PDZRN3: variants seen among roughly 807,000 people sequenced by gnomAD.
PDZRN3 encodes the protein E3 ubiquitin-protein ligase PDZRN3.
Under a neutral mutation model 85.7 loss-of-function variants are expected in PDZRN3, and 38 were observed. The ratio of observed to expected loss-of-function variants is 0.44; its 90% CI spans 0.34 to 0.58. The LOEUF is 0.58. Among genes scored for constraint, PDZRN3 ranks in the 20% least tolerant of loss-of-function variants. The pLI is 0.01. For synonymous variants in PDZRN3, 759 were observed against 638.0 expected, an observed-to-expected ratio of 1.19 and a Z score of -2.86; for missense variants, 1,629 against 1,506.4, an observed-to-expected ratio of 1.08 and a Z score of -1.35.
At chr3:73,561,236 T>C (rs1701808360) in intron 3 of PDZRN3, among the ~76,000 whole-genome samples, 1 of 152,252 alleles carries the variant, frequency 6.6e-6, no homozygotes, top group South Asian at 2.1e-4. Flanking sequence ...CAAACTGCCC[T>C]GGTGGAGCTG....
intron 1 of PDZRN3, 103 bp from the exon 2 acceptor site, chr3:73,608,787 T>C: frequency 1.4e-6 from 1 of 696,472 alleles, no homozygotes; most frequent in Non-Finnish European, 2.5e-6. Context: ...CAGCTAATCA[T>C]TACAAATCCT....
At chr3:73,435,996 C>A (rs1023666933) in intron 3 of PDZRN3, among the ~76,000 whole-genome samples, 3 of 152,194 alleles carry the variant, frequency 2.0e-5, no homozygotes, top group African/African-American at 4.8e-5. Context: ...AAGCCATGCC[C>A]TTCTGCAGGG....
At chr3:73,420,294 T>C (rs560684343) in intron 3 of PDZRN3, among the ~76,000 whole-genome samples, 1 of 152,218 alleles carries the variant, frequency 6.6e-6, no homozygotes, top group East Asian at 1.9e-4. Context: ...CCACCCCAAG[T>C]GCTGGCTGCG....
chr3:73,428,464 AGT>A (rs1702363177), intron 3 of PDZRN3, among the ~76,000 whole-genome samples: 1 of 152,216 alleles, frequency 6.6e-6, no homozygotes, highest in African/African-American at 2.4e-5. Context: ...ATGTGCTGAG[AGT>A]AACAGTGGTG....
At chr3:73,447,278 T>C (rs550539685) in intron 3 of PDZRN3, among the ~76,000 whole-genome samples, 1 of 152,018 alleles carries the variant, frequency 6.6e-6, no homozygotes, top group South Asian at 2.1e-4. Context: ...CGAAGCCTCG[T>C]GCCCTCGGAC....
At position 73,602,350 on chromosome 3, in the gene PDZRN3, A is replaced by G; in HGVS notation, c.918+4T>C. On this transcript the variant is annotated splice_donor_region_variant and intron_variant, in intron 3 of 9. Transcript: ENST00000263666. Reference sequence around the variant, plus strand: ...TTCAAAGACACTGGCCAGTATTCACATACCTCAATAATCCTGTCATGAATT... The same window carrying G: ...TTCAAAGACACTGGCCAGTATTCACGTACCTCAATAATCCTGTCATGAATT... 6.7e-7 allele frequency: 1 copy of G among 1,492,646 alleles called. No homozygotes were observed. Among genetic ancestry groups the G allele is most frequent in the Non-Finnish European group, 9.4e-7 (1 of 1,069,498 alleles). 92.5% of individuals were successfully genotyped at this position (1,492,646 alleles called of 1,614,324 possible). A position where few individuals can be genotyped will look rare whatever the true frequency, so the allele number is the denominator to read the frequency against.
intron 3 of PDZRN3, among the ~76,000 whole-genome samples, chr3:73,407,678 C>T (rs1701881721): frequency 1.3e-5 from 2 of 152,130 alleles, no homozygotes; most frequent in Non-Finnish European, 2.9e-5. Context: ...TATTGCTTTA[C>T]TTGGATACAT....
Position 73,524,512 on chromosome 3 carries a change from G to T in PDZRN3, c.918+77842C>A, listed in dbSNP as rs377305156. On this transcript the variant is annotated intron_variant, in intron 3 of 9. Coordinates refer to ENST00000263666, the MANE Select transcript of PDZRN3 (RefSeq NM_015009.3). ...TGCTGTGGGCCACTTATCACAGGCT[G>T]CCTGTACTGCAAGTGGCACGGTCAG... is the stretch of plus-strand genomic sequence containing the variant. 2.0e-5 allele frequency among the ~76,000 whole-genome samples: 3 copies of T among 152,332 alleles called. No individual in the cohort carries two copies. In the South Asian group the frequency reaches 6.2e-4, roughly 32 times the overall value.
At position 73,384,498 on chromosome 3, in the gene PDZRN3, C is replaced by T. The variant is rs759514602; in HGVS notation, c.2068G>A (p.Glu690Lys). The T allele has an allele frequency of 2.5e-5, 40 of 1,613,532 alleles. No homozygotes were observed. The highest frequency in any genetic ancestry group is 1.6e-4 in the Middle Eastern group (1 of 6,084). Reference sequence around the variant, plus strand: ...TCCAGCTCGATGCTGCGCAGCTCTTCGTTCAGCAGCTCCAGCTCCTTGTCC... The same window carrying T: ...TCCAGCTCGATGCTGCGCAGCTCTTTGTTCAGCAGCTCCAGCTCCTTGTCC... ...SVDKELELLN[E>K]ELRSIELECL... Residue 690 changes from glutamate (E) to lysine (K), a missense_variant, in exon 10 of 10, where the codon GAA becomes AAA. Transcript: ENST00000263666.
intron 3 of PDZRN3, among the ~76,000 whole-genome samples, chr3:73,497,096 A>G (rs1703881691): frequency 6.6e-6 from 1 of 152,224 alleles, no homozygotes. Flanking sequence ...GGTAAATACT[A>G]CAGAGTATTT....
At chr3:73,619,021 T>C (rs1479611261) in intron 1 of PDZRN3, among the ~76,000 whole-genome samples, 1 of 152,210 alleles carries the variant, frequency 6.6e-6, no homozygotes, top group African/African-American at 2.4e-5. Context: ...TCTATCAGAT[T>C]TACTTATTTC....
intron 3 of PDZRN3, among the ~76,000 whole-genome samples, chr3:73,500,648 C>T (rs1703959195): frequency 6.6e-6 from 1 of 152,172 alleles, no homozygotes; most frequent in Non-Finnish European, 1.5e-5. Context: ...AGCTCCTCAT[C>T]TTTTTATGTT....
chr3:73,540,165 T>G (rs567911577), intron 3 of PDZRN3, among the ~76,000 whole-genome samples: 134 of 150,868 alleles, frequency 8.9e-4, no homozygotes, highest in Non-Finnish European at 1.7e-3. Flanking sequence ...TAAGAAAAAT[T>G]TTAAAAAAAT....
intron 3 of PDZRN3, among the ~76,000 whole-genome samples, chr3:73,418,344 C>T (rs144830678): frequency 2.0e-3 from 299 of 152,242 alleles, no homozygotes; most frequent in Non-Finnish European, 3.4e-3. Context: ...GCTAAAAACA[C>T]TGCAAGATTC....
At position 73,624,881 on chromosome 3, in the gene PDZRN3, C is replaced by A; in HGVS notation, c.-56G>T. 2 of 1,254,954 alleles carry A rather than the reference C, an allele frequency of 1.6e-6. No individual in the cohort carries two copies. Among genetic ancestry groups the A allele is most frequent in the South Asian group, 2.9e-5 (1 of 34,094 alleles). 77.7% of individuals were successfully genotyped at this position (1,254,954 alleles called of 1,614,324 possible). On this transcript the variant is annotated 5_prime_UTR_variant, in exon 1 of 10. Transcript: ENST00000263666. ...GGCGGCCGGGCGCCCCCTCCCTCCCCACGAGGCGGCCCAGACAGGCCGGCT... is the reference window on the plus strand; with the variant it reads ...GGCGGCCGGGCGCCCCCTCCCTCCCAACGAGGCGGCCCAGACAGGCCGGCT...
At chr3:73,472,481 A>C (rs1703365211) in intron 3 of PDZRN3, among the ~76,000 whole-genome samples, 1 of 152,208 alleles carries the variant, frequency 6.6e-6, no homozygotes, top group African/African-American at 2.4e-5. Flanking sequence ...TGAAGCTTCT[A>C]ATGACCTTTC....
At chr3:73,506,565 C>G (rs917583456) in intron 3 of PDZRN3, among the ~76,000 whole-genome samples, 1 of 152,000 alleles carries the variant, frequency 6.6e-6, no homozygotes, top group Non-Finnish European at 1.5e-5. Context: ...TTTTACTCAA[C>G]AACATGGCCA....
rs553779880 is a variant in PDZRN3 at position 73,539,430 on chromosome 3, G to A, written c.918+62924C>T. On this transcript the variant is annotated intron_variant, in intron 3 of 9. Transcript: ENST00000263666. ...AAGAGGTGGAATCGATTTCCTCAGT[G>A]CAAACCTGGGCAAGCCTCAGGACTC... is the stretch of plus-strand genomic sequence containing the variant. Among the ~76,000 whole-genome samples, 15 of 152,256 alleles carry A rather than the reference G, an allele frequency of 9.9e-5. No homozygotes were observed. The East Asian group carries it at 2.7e-3, about 27-fold the overall frequency.
At chr3:73,501,748 C>T (rs58005000) in intron 3 of PDZRN3, among the ~76,000 whole-genome samples, 1,581 of 152,266 alleles carry the variant, frequency 0.01, 32 homozygotes, top group African/African-American at 0.036. Context: ...GGTGTGGTGG[C>T]TCATACCTGT....
Sources: gnomAD v4.1 joint callset for allele counts (sites outside exome capture counted in the v4.1 genomes callset) on GRCh38, gnomAD v4.1.1 for gene constraint, MANE v1.5 for transcripts, NCBI Gene and HGNC (gene_info 2026-07-23, HGNC 2026-07-21) for gene names.